The following CLHC1 variants were observed in gnomAD, a reference collection of about 807,000 sequenced individuals.
CLHC1 encodes the protein clathrin heavy chain linker domain-containing protein 1.
A neutral mutation model predicts 69.5 loss-of-function variants in CLHC1; 72 were observed. The observed-to-expected ratio is 1.04, with a 90% CI of 0.86 to 1.26. The LOEUF is 1.26. Ranked by LOEUF, CLHC1 falls within the 50% of genes most tolerant of loss-of-function variation. The probability of loss-of-function intolerance (pLI) is 0.00; values close to 1 mark genes in which losing one functional copy is unlikely to be tolerated. For missense variants in CLHC1, 790 were observed against 679.3 expected (o/e 1.16, Z -1.81); for synonymous variants, 223 against 224.3 (o/e 0.99, Z 0.05).
In CLHC1 at chr2:55,217,874, C is replaced by T; in HGVS notation, c.302G>A (p.Gly101Asp). ...TTFCLHGKLK[G>D]LAAEPTALVY... ...CAAAGCTGTAGGCTCTGCTGCCAAA[C>T]CTTTAAGTTTTCCATGAAGACAAAA... Residue 101 changes from glycine (G) to aspartate (D), a missense_variant, in exon 4 of 13, where the codon GGT (glycine) becomes GAT (aspartate). By Grantham distance (94) the Gly-to-Asp change is moderately conservative. Transcript: ENST00000401408. 6.2e-7 allele frequency: 1 copy of T among 1,607,322 alleles called. No individual in the cohort carries two copies. The highest frequency in any genetic ancestry group is 1.1e-5 in the South Asian group (1 of 89,926).
intron 4 of CLHC1, 91 bp downstream of exon 4, chr2:55,217,720 A>G: frequency 1.4e-6 from 1 of 725,854 alleles, no homozygotes. Context: ...AAATTCAATA[A>G]GACTAAGAAC....
In CLHC1 at chr2:55,180,636, G is replaced by A; in HGVS notation, c.1258C>T (p.Leu420=). 6.2e-7 allele frequency: 1 copy of A among 1,614,002 alleles called. No individual in the cohort carries two copies. Among genetic ancestry groups the A allele is most frequent in the Non-Finnish European group, 8.5e-7 (1 of 1,179,920 alleles). Residue 420 remains leucine (L), a synonymous_variant, in exon 11 of 13, where the codon CTG becomes TTG. Coordinates refer to ENST00000401408, the MANE Select transcript of CLHC1 (RefSeq NM_152385.4). ...CTGTAGACAATCTGAGCTAAAGCCA[G>A]GCACTTGGCCTTGTTATAAGTATCC... The part of the protein sequence containing the change: ...EQDTYNKAKC[L]ALAQIVYSEC...
At chr2:55,213,486 C>T (rs1028645033) in intron 4 of CLHC1, among the ~76,000 whole-genome samples, 1 of 152,122 alleles carries the variant, frequency 6.6e-6, no homozygotes, top group East Asian at 1.9e-4. Flanking sequence ...TTTCCAAATA[C>T]GGTTAACATT....
intron 9 of CLHC1, among the ~76,000 whole-genome samples, chr2:55,192,468 T>G (rs2103792097): frequency 6.6e-6 from 1 of 152,250 alleles, no homozygotes; most frequent in African/African-American, 2.4e-5. Context: ...TAGAAGAAAC[T>G]GATCTTATAT....
At chr2:55,221,473 T>C (rs1403927544) in intron 3 of CLHC1, among the ~76,000 whole-genome samples, 1 of 152,216 alleles carries the variant, frequency 6.6e-6, no homozygotes, top group Non-Finnish European at 1.5e-5. Flanking sequence ...TAGATAATTC[T>C]AGATAGAACT....
rs1181106227 is a variant in CLHC1, at chr2:55,172,855, T to A, written c.*2935A>T. ...TGGTCATTTCTTAGTTAATTCAGGA[T>A]TTAGGAAAAGTTCTAAATATTAAAA... On this transcript the variant is annotated 3_prime_UTR_variant, in exon 13 of 13. Transcript: ENST00000401408. 1.3e-5 allele frequency among the ~76,000 whole-genome samples: 2 copies of A among 152,182 alleles called. No homozygotes were observed. The highest frequency in any genetic ancestry group is 2.9e-5 in the Non-Finnish European group (2 of 68,028).
intron 11 of CLHC1, 69 bp from the exon 12 acceptor site, chr2:55,177,850 G>C: frequency 1.7e-6 from 2 of 1,154,330 alleles, no homozygotes; most frequent in Non-Finnish European, 1.2e-6. Context: ...ACTAGGACTA[G>C]CTAATGTCTA....
At chr2:55,179,800 T>A (rs1485655505) in intron 11 of CLHC1, among the ~76,000 whole-genome samples, 4 of 152,316 alleles carry the variant, frequency 2.6e-5, no homozygotes, top group African/African-American at 9.6e-5. Context: ...AATTGTGTTT[T>A]AAAATTTTGA....
At chr2:55,176,015 A>T in intron 12 of CLHC1, 29 bp from the exon 13 acceptor site, 1 of 1,539,594 alleles carries the variant, frequency 6.5e-7, no homozygotes, top group Non-Finnish European at 8.9e-7. Flanking sequence ...ATATTATAGT[A>T]TGGCACTTAT....
chr2:55,188,894 T>C (rs1199495352), intron 9 of CLHC1, among the ~76,000 whole-genome samples: 3 of 152,204 alleles, frequency 2.0e-5, no homozygotes, highest in African/African-American at 7.2e-5. Flanking sequence ...TATAATTCAA[T>C]TCACATTTAA....
In CLHC1 at chr2:55,226,205, GAGAA is replaced by G. The variant is rs1354841968; in HGVS notation, c.-83+1823_-83+1826del. ...AGACTCCATTTCAAAAAAAAAAAAAGAGAAAGAGTTTTTACTGAAAAAAAAAAAA... is the reference window on the plus strand; with the variant it reads ...AGACTCCATTTCAAAAAAAAAAAAAGAGAGTTTTTACTGAAAAAAAAAAAA... On this transcript the variant is annotated intron_variant, in intron 2 of 12. Coordinates refer to ENST00000401408, the MANE Select transcript of CLHC1 (RefSeq NM_152385.4). Among the ~76,000 whole-genome samples the G allele has an allele frequency of 4.1e-5, 6 of 144,982 alleles. 1 individual carries two copies. The highest frequency in any genetic ancestry group is 2.8e-4 in the Admixed American group (4 of 14,540).
chr2:55,224,472 G>A (rs1344936112), intron 2 of CLHC1: 2 of 385,034 alleles, frequency 5.2e-6, no homozygotes, highest in African/African-American at 4.2e-5. Flanking sequence ...AGCTGGCGCT[G>A]CAGTTTGTGC....
intron 4 of CLHC1, 92 bp from the exon 5 acceptor site, chr2:55,212,898 T>C: frequency 2.0e-6 from 2 of 990,798 alleles, no homozygotes. Flanking sequence ...CATTACTTTA[T>C]TTTGAACCAT....
intron 2 of CLHC1, chr2:55,225,062 G>T (rs1175645488): frequency 3.2e-5 from 5 of 155,328 alleles, no homozygotes; most frequent in African/African-American, 7.2e-5. Context: ...ACAGATGCCA[G>T]ACCAGACAGA....
intron 9 of CLHC1, among the ~76,000 whole-genome samples, chr2:55,186,907 C>G (rs1044550226): frequency 6.6e-6 from 1 of 152,028 alleles, no homozygotes; most frequent in Non-Finnish European, 1.5e-5. Flanking sequence ...ATTGAGGTGG[C>G]ACTACAAATT....
intron 9 of CLHC1, among the ~76,000 whole-genome samples, chr2:55,199,186 AT>A (rs1378135571): frequency 6.8e-6 from 1 of 147,308 alleles, no homozygotes; most frequent in Non-Finnish European, 1.5e-5. Context: ...AGTCCCATCT[AT>A]TTGGGAGGCT....
chr2:55,177,434 C>A (rs1383604931), intron 12 of CLHC1, among the ~76,000 whole-genome samples, 168 bp downstream of exon 12: 1 of 152,040 alleles, frequency 6.6e-6, no homozygotes, highest in Non-Finnish European at 1.5e-5. Context: ...ATCCTATTAC[C>A]AATAGATTAT....
chr2:55,209,246 G>A (rs1315267733), intron 7 of CLHC1, among the ~76,000 whole-genome samples, 158 bp downstream of exon 7: 1 of 151,984 alleles, frequency 6.6e-6, no homozygotes, highest in East Asian at 1.9e-4. Flanking sequence ...CTAATTATCT[G>A]TTAGCTGTTG....
At chr2:55,205,338 C>T (rs1047606593) in intron 9 of CLHC1, among the ~76,000 whole-genome samples, 1 of 151,960 alleles carries the variant, frequency 6.6e-6, no homozygotes, top group Non-Finnish European at 1.5e-5. Flanking sequence ...CAGCACTATT[C>T]ACAATAGCAA....
Sources: gnomAD v4.1 joint callset for allele counts (sites outside exome capture counted in the v4.1 genomes callset) on GRCh38, gnomAD v4.1.1 for gene constraint, MANE v1.5 for transcripts, NCBI Gene and HGNC (gene_info 2026-07-23, HGNC 2026-07-21) for gene names.